The following PLCH2 variants were observed in gnomAD, a reference collection of about 807,000 sequenced individuals.
PLCH2 encodes the protein 1-phosphatidylinositol 4,5-bisphosphate phosphodiesterase eta-2.
A neutral mutation model predicts 134.7 loss-of-function variants in PLCH2; 98 were observed. The observed-to-expected ratio is 0.73, with a 90% CI of 0.62 to 0.86. The LOEUF is 0.86. Ranked by LOEUF, PLCH2 falls within the 40% of genes least tolerant of loss-of-function variation. The probability of loss-of-function intolerance (pLI) is 0.00; values close to 1 mark genes in which losing one functional copy is unlikely to be tolerated. For synonymous variants in PLCH2, 974 were observed against 827.5 expected (o/e 1.18, Z -3.04); for missense variants, 1,994 against 1,986.6 (o/e 1.00, Z -0.07).
At chr1:2,416,565 C>A in the PLCH2 span, among the ~76,000 whole-genome samples, 1 of 149,550 alleles carries the variant, frequency 6.7e-6, no homozygotes, top group African/African-American at 2.4e-5. Context: ...GGGTGGGCAG[C>A]GGGCGGCACT....
chr1:2,438,679 C>T (rs1014422770), intron 2 of PLCH2, among the ~76,000 whole-genome samples: 1 of 152,158 alleles, frequency 6.6e-6, no homozygotes, highest in Non-Finnish European at 1.5e-5. Context: ...CTTCTTGCCC[C>T]CGCCTCCCAA....
chr1:2,496,434 G>A (rs1344704741), intron 13 of PLCH2, among the ~76,000 whole-genome samples, 173 bp from the exon 14 acceptor site: 3 of 152,186 alleles, frequency 2.0e-5, no homozygotes, highest in African/African-American at 7.2e-5. Flanking sequence ...CCCACATCCT[G>A]CCCAGCACTC....
chr1:2,480,616 C>G (rs529740322), intron 4 of PLCH2, among the ~76,000 whole-genome samples: 1 of 152,178 alleles, frequency 6.6e-6, no homozygotes, highest in African/African-American at 2.4e-5. Flanking sequence ...GTGGACTGGG[C>G]ATTCAGGGCA....
In PLCH2 at chr1:2,504,121, C is replaced by A; in HGVS notation, c.3159C>A (p.Asp1053Glu). The change falls in exon 22 of 22, where the codon GAC becomes GAA. Residue 1053 changes from aspartate (D) to glutamate (E), a missense_variant. Asp to Glu is a conservative substitution (Grantham distance 45). Around this residue, in one of 2 missense-constraint regions of PLCH2, gnomAD observed 900 missense variants for 752.3 expected, o/e 1.20. Coordinates refer to ENST00000378486, the MANE Select transcript of PLCH2 (RefSeq NM_014638.4). ...TAGAGGACACTGAGGAGCCCCGAGA[C>A]AGCAGGCCTCGGCCGTGCAACGGCG... ...SPLEDTEEPRDSRPRPCNGEG... is the reference protein window; with the variant it reads ...SPLEDTEEPRESRPRPCNGEG... The A allele has an allele frequency of 6.6e-7, 1 of 1,522,998 alleles. No homozygotes were observed. The allele number at this position is 1,522,998 out of a possible 1,614,324, so 94.3% of individuals were successfully genotyped here.
chr1:2,464,110 C>T (rs1640948495), upstream of PLCH2, among the ~76,000 whole-genome samples: 1 of 152,244 alleles, frequency 6.6e-6, no homozygotes, highest in Non-Finnish European at 1.5e-5. Context: ...CACTGGCCTC[C>T]CTGGCGGCAC....
chr1:2,493,221 C>T (rs955693217), intron 11 of PLCH2: 5 of 152,308 alleles, frequency 3.3e-5, no homozygotes, highest in Admixed American at 1.3e-4. Flanking sequence ...TCTGGCCGTC[C>T]GTCTCCTGGG....
At chr1:2,474,991 A>C (rs572208518), upstream of PLCH2, among the ~76,000 whole-genome samples, 1 of 152,218 alleles carries the variant, frequency 6.6e-6, no homozygotes, top group African/African-American at 2.4e-5. Context: ...TCCCTAATCT[A>C]ATTCCACGGC....
intron 4 of PLCH2, among the ~76,000 whole-genome samples, chr1:2,482,011 A>G (rs1410731922): frequency 6.6e-6 from 1 of 152,264 alleles, no homozygotes; most frequent in Non-Finnish European, 1.5e-5. Context: ...CAAACCTAAG[A>G]TAAGGCTGGA....
rs1291770917 is a variant in PLCH2 at position 2,504,143 on chromosome 1, G to A, written c.3181G>A (p.Gly1061Ser). Reference protein sequence around the residue: ...PRDSRPRPCNGEGAGGAYERA... With the variant: ...PRDSRPRPCNSEGAGGAYERA... Reference sequence around the variant, plus strand: ...AGACAGCAGGCCTCGGCCGTGCAACGGCGAGGGCGCCGGCGGGGCATACGA... The same window carrying A: ...AGACAGCAGGCCTCGGCCGTGCAACAGCGAGGGCGCCGGCGGGGCATACGA... The change falls in exon 22 of 22, where the codon GGC (glycine) becomes AGC (serine). Residue 1061 changes from glycine to serine, a missense_variant. Gly to Ser is a moderately conservative substitution (Grantham distance 56, BLOSUM62 0). Transcript: ENST00000378486. 5.0e-5 allele frequency: 76 copies of A among 1,520,694 alleles called. No individual in the cohort carries two copies. Among genetic ancestry groups the A allele is most frequent in the Non-Finnish European group, 5.6e-5 (64 of 1,135,754 alleles). The allele number at this position is 1,520,694 out of a possible 1,614,324, so 94.2% of individuals were successfully genotyped here.
At chr1:2,499,523 G>T in intron 19 of PLCH2, 118 bp from the exon 20 acceptor site, 5 of 809,214 alleles carry the variant, frequency 6.2e-6, no homozygotes, top group Non-Finnish European at 1.0e-5. Flanking sequence ...GAGGCCCCAG[G>T]CCTGGGCTTG....
intron 1 of PLCH2, among the ~76,000 whole-genome samples, chr1:2,428,741 G>A (rs758561336): frequency 3.3e-5 from 5 of 152,254 alleles, no homozygotes; most frequent in Non-Finnish European, 4.4e-5. Flanking sequence ...GGCTGGATCA[G>A]CTCAAGCCTC....
chr1:2,457,261 G>C (rs1421172205), intron 2 of PLCH2, among the ~76,000 whole-genome samples: 2 of 152,136 alleles, frequency 1.3e-5, no homozygotes, highest in African/African-American at 4.8e-5. Context: ...TGGCCACGCT[G>C]GGCTGGCCCG....
chr1:2,502,324 G>A lies in PLCH2; in HGVS notation c.2874G>A (p.Gly958=). The change falls in exon 21 of 22, where the codon GGG becomes GGA. Residue 958 remains glycine, a synonymous_variant. Transcript: ENST00000378486. ...VLGTRDTGSK[G]VADDVVPPGP... ...GTACACGGGACACAGGCTCCAAGGGGGTGGCAGACGATGTGGTGCCCCCCG... is the reference window on the plus strand; with the variant it reads ...GTACACGGGACACAGGCTCCAAGGGAGTGGCAGACGATGTGGTGCCCCCCG... 2 of 1,535,536 alleles carry A rather than the reference G, an allele frequency of 1.3e-6. No homozygotes were observed. The highest frequency in any genetic ancestry group is 1.8e-6 in the Non-Finnish European group (2 of 1,141,568).
At chr1:2,497,355 G>T (rs748313218) in intron 15 of PLCH2, 147 bp from the exon 16 acceptor site, 100 of 652,104 alleles carry the variant, frequency 1.5e-4, no homozygotes, top group Non-Finnish European at 2.6e-4. Flanking sequence ...TGTGAACCTT[G>T]GAGTCCCATT....
intron 4 of PLCH2, among the ~76,000 whole-genome samples, chr1:2,484,102 T>C (rs1308581516): frequency 4.0e-5 from 6 of 151,830 alleles, no homozygotes; most frequent in Admixed American, 2.0e-4. Context: ...GGGGGAGGTG[T>C]TGACTCCTGC....
chr1:2,437,101 G>A (rs1022812029), intron 2 of PLCH2, among the ~76,000 whole-genome samples: 5 of 152,226 alleles, frequency 3.3e-5, no homozygotes, highest in African/African-American at 1.2e-4. Flanking sequence ...AGCCCCCATG[G>A]GTCAGGTGCT....
intron 2 of PLCH2, among the ~76,000 whole-genome samples, chr1:2,436,560 A>ACCTTTCCTCCTTTCTCCCTCCT (rs1639429534): frequency 2.9e-5 from 1 of 34,380 alleles, no homozygotes; most frequent in African/African-American, 1.3e-4. Context: ...TCCTCCCTCC[A>ACCTTTCCTCCTTTCTCCCTCCT]CCTTTCCTCC....
In PLCH2 at chr1:2,476,560, C is replaced by T. The variant is rs372253895; in HGVS notation, c.-29C>T. 9.5e-5 allele frequency: 140 copies of T among 1,474,204 alleles called. No homozygotes were observed. The highest frequency in any genetic ancestry group is 2.0e-4 in the South Asian group (15 of 73,252). The allele number at this position is 1,474,204 out of a possible 1,614,324, so 91.3% of individuals were successfully genotyped here. A position where few individuals can be genotyped will look rare whatever the true frequency, so the allele number is the denominator to read the frequency against. ...AAGGCCGGTGGGCCTCTGTGGCCTC[C>T]GTGAAGCAGGCCCGGCTGTCGTCAG... On this transcript the variant is annotated 5_prime_UTR_variant, in exon 1 of 22. Coordinates refer to ENST00000378486, the MANE Select transcript of PLCH2 (RefSeq NM_014638.4).
At chr1:2,483,752 T>G in intron 4 of PLCH2, among the ~76,000 whole-genome samples, 1 of 115,036 alleles carries the variant, frequency 8.7e-6, no homozygotes, top group African/African-American at 2.9e-5. Flanking sequence ...GAGTGTGTTG[T>G]TGACCCCCGT....
Sources: allele counts gnomAD v4.1 joint callset (sites outside exome capture counted in the v4.1 genomes callset), GRCh38; gene constraint gnomAD v4.1.1; regional missense constraint gnomAD v4.1.1; transcripts MANE v1.5; gene names NCBI Gene and HGNC (gene_info 2026-07-23, HGNC 2026-07-21).